Variants in MSH3 observed in about 807,000 individuals in gnomAD.
MSH3 encodes the protein mutS homolog 3.
MSH3 carries 106 observed loss-of-function variants against 123.3 expected under a neutral mutation model. The observed-to-expected ratio is 0.86, with a 90% CI of 0.73 to 1.01. The LOEUF (loss-of-function observed/expected upper bound fraction) is 1.01, where lower values mean the gene tolerates loss of function less well. MSH3 is among the 50% of genes least tolerant of loss of function. The pLI is 0.00. For missense variants in MSH3, 1,459 were observed against 1,347.6 expected, an observed-to-expected ratio of 1.08 and a Z score of -1.29; for synonymous variants, 515 against 481.4, an observed-to-expected ratio of 1.07 and a Z score of -0.91.
intron 20 of MSH3, among the ~76,000 whole-genome samples, chr5:80,843,602 G>C (rs1256821991): frequency 4.6e-5 from 7 of 152,156 alleles, no homozygotes; most frequent in Non-Finnish European, 1.0e-4. Context: ...GGTTTATTCA[G>C]AGTTTCAACT....
rs1323985940 is a variant in MSH3 at position 80,743,571 on chromosome 5, G to A, written c.1654-935G>A. On this transcript the variant is annotated intron_variant, in intron 11 of 23. Transcript: ENST00000265081. ...AAGGATTAAAAAAACCCGGCCGGGC[G>A]CGGTGGCTCACGCCTGTAATCCCAG... Among the ~76,000 whole-genome samples, 3 of 9,024 alleles carry A rather than the reference G, an allele frequency of 3.3e-4. 1 individual carries two copies. The highest frequency in any genetic ancestry group is 1.4e-3 in the African/African-American group (3 of 2,196). 5.9% of individuals were successfully genotyped at this position (9,024 alleles called of 152,430 possible).
chr5:80,706,529 T>G (rs1156600270), intron 8 of MSH3, among the ~76,000 whole-genome samples: 1 of 152,190 alleles, frequency 6.6e-6, no homozygotes, highest in African/African-American at 2.4e-5. Context: ...AAAAAATACC[T>G]CCTGAGTCAC....
At chr5:80,699,468 G>A (rs775097377) in intron 8 of MSH3, among the ~76,000 whole-genome samples, 1 of 149,522 alleles carries the variant, frequency 6.7e-6, no homozygotes, top group African/African-American at 2.5e-5. Flanking sequence ...TGAGGCAGGA[G>A]AATGGCTTGA....
At chr5:80,814,716 C>G (rs1201582976) in intron 20 of MSH3, among the ~76,000 whole-genome samples, 1 of 152,210 alleles carries the variant, frequency 6.6e-6, no homozygotes, top group Non-Finnish European at 1.5e-5. Flanking sequence ...TCCATCCTCC[C>G]CATTTTAGGT....
chr5:80,764,639 G>A (rs995337771), intron 13 of MSH3, among the ~76,000 whole-genome samples: 3 of 151,650 alleles, frequency 2.0e-5, no homozygotes, highest in Non-Finnish European at 2.9e-5. Context: ...TTGGGATTAC[G>A]GGTGTGAGCC....
chr5:80,818,897 T>C (rs1405251844), intron 20 of MSH3, among the ~76,000 whole-genome samples: 1 of 152,202 alleles, frequency 6.6e-6, no homozygotes, highest in Non-Finnish European at 1.5e-5. Context: ...TTTTTTGTTA[T>C]TGTTCTGGGA....
intron 20 of MSH3, among the ~76,000 whole-genome samples, chr5:80,847,652 C>G (rs1182724302): frequency 6.6e-6 from 1 of 152,078 alleles, no homozygotes; most frequent in Non-Finnish European, 1.5e-5. Flanking sequence ...ATAAAATTTT[C>G]AGCAGAATGT....
At chr5:80,699,418 G>A (rs1231285113) in intron 8 of MSH3, among the ~76,000 whole-genome samples, 1 of 151,916 alleles carries the variant, frequency 6.6e-6, no homozygotes, top group Admixed American at 6.6e-5. Context: ...AATTAGTTGG[G>A]TGTGGTGTCA....
rs182789681 is a variant in MSH3, at chr5:80,734,390, A to G, written c.1568+5425A>G. On this transcript the variant is annotated intron_variant, in intron 10 of 23. Transcript: ENST00000265081. ...ATTACATGGTGGTGATGGTTGGCCA[A>G]TTTTAATATACTAAATACCACTTAA... 5.9e-5 allele frequency among the ~76,000 whole-genome samples: 9 copies of G among 152,310 alleles called. No homozygotes were observed. In the East Asian group the frequency reaches 1.3e-3, roughly 23 times the overall value.
chr5:80,792,552 T>C (rs191077996), intron 18 of MSH3, among the ~76,000 whole-genome samples, 181 bp from the exon 19 acceptor site: 9 of 152,350 alleles, frequency 5.9e-5, no homozygotes, highest in Non-Finnish European at 1.2e-4. Flanking sequence ...TTTGATCTTA[T>C]AGTTCAAATT....
chr5:80,823,776 G>A (rs1745240985), intron 20 of MSH3, among the ~76,000 whole-genome samples: 1 of 152,156 alleles, frequency 6.6e-6, no homozygotes, highest in African/African-American at 2.4e-5. Context: ...GGACAATAGT[G>A]GAGGGAAGGT....
intron 8 of MSH3, among the ~76,000 whole-genome samples, chr5:80,699,730 A>G (rs529793019): frequency 5.9e-4 from 90 of 152,054 alleles, no homozygotes; most frequent in Non-Finnish European, 1.1e-3. Flanking sequence ...TTTCCCCATT[A>G]TGTTTATTTC....
chr5:80,759,376 AGT>A (rs1250302175), intron 12 of MSH3, among the ~76,000 whole-genome samples: 1 of 152,194 alleles, frequency 6.6e-6, no homozygotes, highest in Non-Finnish European at 1.5e-5. Flanking sequence ...CGCCAGACGA[AGT>A]GTAGCTGATG....
At position 80,776,993 on chromosome 5, in the gene MSH3, G is replaced by A. The variant is rs184385654; in HGVS notation, c.2318+1235G>A. ...GTCAGCCAGGCTGGAGTGTAGTGGC[G>A]CAATCCCGGTCTACTGCAACCTCCG... On this transcript the variant is annotated intron_variant, in intron 16 of 23. Transcript: ENST00000265081. Among the ~76,000 whole-genome samples the A allele has an allele frequency of 3.0e-3, 448 of 148,128 alleles. 5 individuals are homozygous for A. Among genetic ancestry groups the A allele is most frequent in the African/African-American group, 0.011 (423 of 40,230 alleles).
chr5:80,782,397 A>G (rs1286278539), intron 17 of MSH3, among the ~76,000 whole-genome samples: 1 of 152,130 alleles, frequency 6.6e-6, no homozygotes, highest in Non-Finnish European at 1.5e-5. Context: ...GTACAGTATA[A>G]CTGCTATTTA....
intron 20 of MSH3, among the ~76,000 whole-genome samples, chr5:80,846,894 G>A (rs1474934720): frequency 6.6e-6 from 1 of 152,136 alleles, no homozygotes; most frequent in Non-Finnish European, 1.5e-5. Flanking sequence ...GCCCTGCCCT[G>A]TTTCAGCTCA....
chr5:80,865,051 G>T, intron 22 of MSH3, 109 bp downstream of exon 22: 1 of 1,114,234 alleles, frequency 9.0e-7, no homozygotes, highest in South Asian at 1.3e-5. Context: ...CTGTGAATGT[G>T]AGCTATAAAT....
chr5:80,684,435 A>G (rs974482982), intron 8 of MSH3, among the ~76,000 whole-genome samples: 1 of 152,118 alleles, frequency 6.6e-6, no homozygotes, highest in East Asian at 1.9e-4. Context: ...ATTTGTAGCT[A>G]TTGTAAATGG....
intron 8 of MSH3, among the ~76,000 whole-genome samples, chr5:80,703,614 A>G (rs1054216298): frequency 6.6e-6 from 1 of 152,066 alleles, no homozygotes; most frequent in Non-Finnish European, 1.5e-5. Context: ...AGTCCTGTGT[A>G]TGCTGAAGTC....
Sources: gnomAD v4.1 joint callset for allele counts (sites outside exome capture counted in the v4.1 genomes callset) on GRCh38, gnomAD v4.1.1 for gene constraint, MANE v1.5 for transcripts, NCBI Gene and HGNC (gene_info 2026-07-23, HGNC 2026-07-21) for gene names.